PLCXD3: variants seen among roughly 807,000 people sequenced by gnomAD.
PLCXD3 encodes PI-PLC X domain-containing protein 3.
PLCXD3 carries 19 observed loss-of-function variants against 25.5 expected under a neutral mutation model. The ratio of observed to expected loss-of-function variants is 0.75; its 90% CI spans 0.52 to 1.09. PLCXD3 has a LOEUF of 1.09. PLCXD3 is among the 50% of genes least tolerant of loss of function. PLCXD3 has a pLI of 0.00. For synonymous variants in PLCXD3, 174 were observed against 137.6 expected (o/e 1.26, Z -1.85); for missense variants, 411 against 388.1 (o/e 1.06, Z -0.50).
chr5:41,459,753 C>T (rs2150516620), intron 1 of PLCXD3, among the ~76,000 whole-genome samples: 1 of 151,940 alleles, frequency 6.6e-6, no homozygotes. Flanking sequence ...CTGCCAACAT[C>T]TTCAGTCAAC....
At chr5:41,403,287 T>C (rs1178394052) in intron 1 of PLCXD3, among the ~76,000 whole-genome samples, 1 of 150,996 alleles carries the variant, frequency 6.6e-6, no homozygotes, top group South Asian at 2.1e-4. Flanking sequence ...ACTCTTTTTT[T>C]TTTTTTCTAT....
At chr5:41,401,733 C>G (rs1038117987) in intron 1 of PLCXD3, among the ~76,000 whole-genome samples, 1 of 151,974 alleles carries the variant, frequency 6.6e-6, no homozygotes, top group East Asian at 1.9e-4. Context: ...ACTGTTGAAG[C>G]CATCTAGTCT....
At chr5:41,366,651 CT>C (rs1447901139) in intron 2 of PLCXD3, among the ~76,000 whole-genome samples, 2 of 152,246 alleles carry the variant, frequency 1.3e-5, no homozygotes, top group African/African-American at 4.8e-5. Flanking sequence ...TATTCTTTTT[CT>C]TTTGATTCCG....
chr5:41,403,407 T>TGTTTTG (rs1169408224), intron 1 of PLCXD3, among the ~76,000 whole-genome samples: 3 of 34,474 alleles, frequency 8.7e-5, no homozygotes, highest in African/African-American at 3.2e-4. Flanking sequence ...TGTTGTTTTT[T>TGTTTTG]TTTTTTTTTA....
chr5:41,406,356 C>T (rs1464446987), intron 1 of PLCXD3, among the ~76,000 whole-genome samples: 1 of 152,056 alleles, frequency 6.6e-6, no homozygotes, highest in Non-Finnish European at 1.5e-5. Flanking sequence ...TTTAGAGCCC[C>T]TGTGTGCCTA....
chr5:41,330,316 A>G (rs1253066429), intron 2 of PLCXD3, among the ~76,000 whole-genome samples: 1 of 152,172 alleles, frequency 6.6e-6, no homozygotes, highest in Non-Finnish European at 1.5e-5. Flanking sequence ...CACTACAAAC[A>G]CCTCTACGCA....
chr5:41,357,251 T>C (rs941641291), intron 2 of PLCXD3, among the ~76,000 whole-genome samples: 1 of 152,244 alleles, frequency 6.6e-6, no homozygotes, highest in African/African-American at 2.4e-5. Flanking sequence ...TCGTTAATTG[T>C]GGCTTATATT....
Position 41,320,487 on chromosome 5 carries a change from T to C in PLCXD3, c.813-6717A>G, listed in dbSNP as rs139268930. Among the ~76,000 whole-genome samples the C allele has an allele frequency of 6.5e-3, 997 of 152,270 alleles. 7 individuals are homozygous for C. The highest frequency in any genetic ancestry group is 0.012 in the Non-Finnish European group (835 of 68,012). On this transcript the variant is annotated intron_variant, in intron 2 of 2. Coordinates refer to ENST00000377801, the MANE Select transcript of PLCXD3 (RefSeq NM_001005473.3). ...TTCAACATATGCAAATCAATTAATG[T>C]TTTGGTTTTTTAATTTTTTAATTTT...
chr5:41,510,065 C>G (rs1739002628), intron 1 of PLCXD3, among the ~76,000 whole-genome samples: 1 of 152,182 alleles, frequency 6.6e-6, no homozygotes, highest in South Asian at 2.1e-4. Context: ...GGTCACCCCG[C>G]AGACCCAGAG....
intron 1 of PLCXD3, among the ~76,000 whole-genome samples, chr5:41,400,154 G>T (rs1269506086): frequency 2.0e-5 from 3 of 152,080 alleles, no homozygotes; most frequent in Admixed American, 6.6e-5. Flanking sequence ...TCTCACTCCA[G>T]TTAAAATGGC....
At chr5:41,320,347 G>A (rs1743429231) in intron 2 of PLCXD3, among the ~76,000 whole-genome samples, 1 of 152,154 alleles carries the variant, frequency 6.6e-6, no homozygotes, top group African/African-American at 2.4e-5. Flanking sequence ...CAATATTGCT[G>A]ATGAATATTG....
chr5:41,357,907 C>A (rs1277697664), intron 2 of PLCXD3, among the ~76,000 whole-genome samples: 1 of 152,134 alleles, frequency 6.6e-6, no homozygotes, highest in Non-Finnish European at 1.5e-5. Context: ...TCCGAATCAT[C>A]ATAATCTGTA....
At chr5:41,379,937 TG>T (rs1426340788) in intron 2 of PLCXD3, among the ~76,000 whole-genome samples, 9 of 152,050 alleles carry the variant, frequency 5.9e-5, no homozygotes, top group Non-Finnish European at 1.3e-4. Context: ...ATACAATGAA[TG>T]GTTGGTAATG....
intron 2 of PLCXD3, among the ~76,000 whole-genome samples, chr5:41,343,572 T>C (rs1744220685): frequency 6.6e-6 from 1 of 152,152 alleles, no homozygotes; most frequent in Non-Finnish European, 1.5e-5. Flanking sequence ...TCACAGGTAC[T>C]ACTACTAAAA....
chr5:41,329,448 T>C (rs1409073285), intron 2 of PLCXD3, among the ~76,000 whole-genome samples: 9 of 152,208 alleles, frequency 5.9e-5, no homozygotes, highest in African/African-American at 1.4e-4. Context: ...GAACAGGCTT[T>C]TTGTTTAGAA....
rs70988846 is a variant in PLCXD3 at position 41,440,215 on chromosome 5, ATTTTTTTTTTTTT to A, written c.104-57694_104-57682del. ...TCTGAGCAAATTACATAATCTCTCA[ATTTTTTTTTTTTT>A]TTTTTTTTTTTTTTTTTTTTTTTAG... is the stretch of plus-strand genomic sequence containing the variant. On this transcript the variant is annotated intron_variant, in intron 1 of 2. Coordinates refer to ENST00000377801, the MANE Select transcript of PLCXD3 (RefSeq NM_001005473.3). Among the ~76,000 whole-genome samples the A allele has an allele frequency of 2.1e-3, 85 of 41,080 alleles. 2 individuals are homozygous for A. The highest frequency in any genetic ancestry group is 4.3e-3 in the African/African-American group (41 of 9,608). The allele number at this position is 41,080 out of a possible 152,430, so 27.0% of individuals were successfully genotyped here.
At chr5:41,412,339 G>C (rs536388953) in intron 1 of PLCXD3, among the ~76,000 whole-genome samples, 31 of 22,138 alleles carry the variant, frequency 1.4e-3, no homozygotes, top group African/African-American at 8.2e-3. Flanking sequence ...TCCTTTATAA[G>C]TATGTGTTTC....
rs781009875 is a variant in PLCXD3 at position 41,382,420 on chromosome 5, A to C, written c.218T>G (p.Met73Arg). The C allele has an allele frequency of 1.2e-6, 2 of 1,613,384 alleles. No homozygotes were observed. Among genetic ancestry groups the C allele is most frequent in the South Asian group, 1.1e-5 (1 of 91,078 alleles). The change falls in exon 2 of 3, where the codon ATG becomes AGG. Residue 73 changes from methionine (M) to arginine (R), a missense_variant. By Grantham distance (91) the Met-to-Arg change is moderately conservative (BLOSUM62 -1). Transcript: ENST00000377801. ...SVFGTVAKKL[M>R]RKWLATQTMN... ...TGTCTGAGTGGCTAACCATTTCCGC[A>C]TGAGCTTTTTGGCCACAGTTCCAAA... is the stretch of plus-strand genomic sequence containing the variant.
chr5:41,480,922 TAAACAAAC>T (rs781140614), intron 1 of PLCXD3, among the ~76,000 whole-genome samples: 5 of 151,024 alleles, frequency 3.3e-5, no homozygotes, highest in African/African-American at 1.2e-4. Context: ...AATAAATAAA[TAAACAAAC>T]AAACAAAGTT....
Sources: allele counts gnomAD v4.1 joint callset (sites outside exome capture counted in the v4.1 genomes callset), GRCh38; gene constraint gnomAD v4.1.1; transcripts MANE v1.5; gene names NCBI Gene and HGNC (gene_info 2026-07-23, HGNC 2026-07-21).